FRAS1: variants seen among roughly 807,000 people sequenced by gnomAD.
The protein encoded by FRAS1 is Fraser extracellular matrix complex subunit 1.
A neutral mutation model predicts 435.2 loss-of-function variants in FRAS1; 290 were observed. The ratio of observed to expected loss-of-function variants is 0.67; its 90% CI spans 0.61 to 0.73. The LOEUF is 0.73. Ranked by LOEUF, FRAS1 falls within the 30% of genes least tolerant of loss-of-function variation. FRAS1 has a pLI of 0.00. For synonymous variants in FRAS1, 1,800 were observed against 1,851.0 expected (o/e 0.97, Z 0.71); for missense variants, 4,860 against 5,001.5 (o/e 0.97, Z 0.85).
chr4:78,110,282 C>T (rs1163496147), intron 2 of FRAS1, among the ~76,000 whole-genome samples: 3 of 113,570 alleles, frequency 2.6e-5, no homozygotes, highest in East Asian at 2.2e-4. Flanking sequence ...AAAAAGAGCC[C>T]GCATCGCCAA....
chr4:78,274,458 A>G (rs912461110), intron 9 of FRAS1, among the ~76,000 whole-genome samples: 55 of 152,112 alleles, frequency 3.6e-4, no homozygotes, highest in African/African-American at 1.3e-3. Flanking sequence ...ATTTAGTGCT[A>G]TAAATTTCCC....
At chr4:78,428,349 G>A (rs569629984) in intron 35 of FRAS1, among the ~76,000 whole-genome samples, 3 of 150,336 alleles carry the variant, frequency 2.0e-5, no homozygotes, top group East Asian at 3.9e-4. Context: ...TTGAGACGAA[G>A]TCTCGCTGTA....
intron 1 of FRAS1, among the ~76,000 whole-genome samples, chr4:78,061,914 A>G (rs1364974623): frequency 1.3e-5 from 2 of 152,150 alleles, no homozygotes; most frequent in Non-Finnish European, 2.9e-5. Flanking sequence ...CTCAGTATGG[A>G]AACGTTAGAT....
At chr4:78,398,985 A>G (rs1732776651) in intron 29 of FRAS1, among the ~76,000 whole-genome samples, 1 of 151,738 alleles carries the variant, frequency 6.6e-6, no homozygotes, top group African/African-American at 2.4e-5. Context: ...TTCTGTCTCA[A>G]AAAAAAAACC....
chr4:78,140,315 AGTTT>A (rs934605510), intron 2 of FRAS1, among the ~76,000 whole-genome samples: 52 of 151,898 alleles, frequency 3.4e-4, no homozygotes, highest in African/African-American at 1.1e-3. Flanking sequence ...TTTTTTTCTT[AGTTT>A]GTTTGTAAGG....
chr4:78,194,811 G>T (rs1270321515), intron 2 of FRAS1, among the ~76,000 whole-genome samples: 1 of 152,172 alleles, frequency 6.6e-6, no homozygotes, highest in Non-Finnish European at 1.5e-5. Flanking sequence ...TCCGTTGCTG[G>T]TGAGGAGCTG....
intron 6 of FRAS1, among the ~76,000 whole-genome samples, chr4:78,263,992 T>A (rs916896769): frequency 1.3e-5 from 2 of 152,190 alleles, no homozygotes; most frequent in African/African-American, 4.8e-5. Flanking sequence ...GCAGCATGAA[T>A]ACCAGAGTAA....
chr4:78,534,679 C>T, intron 71 of FRAS1, 64 bp downstream of exon 71: 2 of 1,494,256 alleles, frequency 1.3e-6, no homozygotes, highest in Middle Eastern at 1.9e-4. Context: ...TTTGCTAAGT[C>T]ACCGGACTGG....
Position 78,069,772 on chromosome 4 carries a change from A to C in FRAS1, c.108+3756A>C, listed in dbSNP as rs934249682. Among the ~76,000 whole-genome samples, 5 of 123,834 alleles carry C rather than the reference A, an allele frequency of 4.0e-5. No homozygotes were observed. In the East Asian group the frequency reaches 1.2e-3, roughly 30 times the overall value. The allele number at this position is 123,834 out of a possible 152,430, so 81.2% of individuals were successfully genotyped here. On this transcript the variant is annotated intron_variant, in intron 2 of 73. Transcript: ENST00000512123. The stretch of plus-strand genomic sequence containing the variant: ...ACCTACTATATATTTAATACTCAAC[A>C]AACCCAGGAAATAGTTTTTTTTTTT...
At chr4:78,382,448 T>C (rs60976791) in intron 27 of FRAS1, among the ~76,000 whole-genome samples, 1 of 152,110 alleles carries the variant, frequency 6.6e-6, no homozygotes, top group Non-Finnish European at 1.5e-5. Context: ...AACACTGTTA[T>C]TGGAACCTCA....
At chr4:78,226,396 C>T (rs905101647) in intron 2 of FRAS1, among the ~76,000 whole-genome samples, 2 of 152,046 alleles carry the variant, frequency 1.3e-5, no homozygotes, top group Non-Finnish European at 2.9e-5. Flanking sequence ...GACAAATTCT[C>T]ACTAGTTTTA....
intron 20 of FRAS1, among the ~76,000 whole-genome samples, chr4:78,340,212 A>T (rs1730343669): frequency 1.3e-5 from 2 of 152,190 alleles, no homozygotes; most frequent in African/African-American, 4.8e-5. Context: ...ACCCTAGAAG[A>T]GAAGGTCCTA....
At position 78,439,037 on chromosome 4, in the gene FRAS1, A is replaced by G. The variant is rs1214138880; in HGVS notation, c.5502A>G (p.Pro1834=). 5 of 1,613,386 alleles carry G rather than the reference A, an allele frequency of 3.1e-6. No homozygotes were observed. The highest frequency in any genetic ancestry group is 2.2e-5 in the South Asian group (2 of 91,052). ...IMITPAENPP[P]VIAFADLITV... is the part of the protein sequence containing the mutation. ...TCACTCCTGCTGAAAATCCACCTCC[A>G]GTCATTGCTTTTGCTGACCTTATCA... Residue 1834 remains proline (P), a synonymous_variant, in exon 40 of 74, where the codon CCA becomes CCG. Coordinates refer to ENST00000512123, the MANE Select transcript of FRAS1 (RefSeq NM_025074.7).
chr4:78,480,763 T>C (rs1719988177), intron 56 of FRAS1, among the ~76,000 whole-genome samples: 1 of 152,212 alleles, frequency 6.6e-6, no homozygotes, highest in East Asian at 1.9e-4. Context: ...GATATACTGC[T>C]GGCAGAGGGG....
At chr4:78,302,538 A>G (rs1728464706) in intron 14 of FRAS1, among the ~76,000 whole-genome samples, 1 of 152,054 alleles carries the variant, frequency 6.6e-6, no homozygotes, top group Non-Finnish European at 1.5e-5. Flanking sequence ...ACTTTTAATG[A>G]TTGCCATTCT....
intron 1 of FRAS1, among the ~76,000 whole-genome samples, chr4:78,059,702 T>C (rs1233271857): frequency 8.6e-5 from 13 of 151,658 alleles, no homozygotes; most frequent in African/African-American, 1.7e-4. Flanking sequence ...CAGGGGGCAG[T>C]TGGAATGGTG....
intron 29 of FRAS1, among the ~76,000 whole-genome samples, chr4:78,393,452 C>T (rs867036611): frequency 6.6e-6 from 1 of 152,034 alleles, no homozygotes; most frequent in Admixed American, 6.6e-5. Flanking sequence ...TTTCTCCCAG[C>T]CCCTTGCAAC....
At chr4:78,191,535 T>G (rs1462630911) in intron 2 of FRAS1, among the ~76,000 whole-genome samples, 2 of 1,132 alleles carry the variant, frequency 1.8e-3, no homozygotes, top group Non-Finnish European at 0.5. Context: ...TATTATTTTC[T>G]TTTTTTTTTT....
intron 1 of FRAS1, among the ~76,000 whole-genome samples, chr4:78,059,134 G>T (rs1198695411): frequency 6.6e-6 from 1 of 152,196 alleles, no homozygotes; most frequent in Non-Finnish European, 1.5e-5. Flanking sequence ...CGGGCGCAGG[G>T]CGGGCCGCCT....
Sources: gnomAD v4.1 joint callset for allele counts (sites outside exome capture counted in the v4.1 genomes callset) on GRCh38, gnomAD v4.1.1 for gene constraint, MANE v1.5 for transcripts, NCBI Gene and HGNC (gene_info 2026-07-23, HGNC 2026-07-21) for gene names.